Variants in CFAP263 observed in about 807,000 individuals in gnomAD.
CFAP263 encodes the protein cilia and flagella associated protein 263.
chr16:58,264,912 G>A, the CFAP263 span, among the ~76,000 whole-genome samples: 1 of 152,204 alleles, frequency 6.6e-6, no homozygotes, highest in Non-Finnish European at 1.5e-5. Context: ...TAGGCACTGG[G>A]CTGAGTGCTA....
chr16:58,256,882 A>G, the CFAP263 span, among the ~76,000 whole-genome samples: 1 of 152,116 alleles, frequency 6.6e-6, no homozygotes. Context: ...TCTATGTTGT[A>G]GAATGTTGAA....
the CFAP263 span, chr16:58,280,133 A>T: frequency 7.5e-7 from 1 of 1,334,458 alleles, no homozygotes; most frequent in Non-Finnish European, 1.0e-6. Context: ...CCAGTGTGCA[A>T]CTATCAAAAA....
the CFAP263 span, among the ~76,000 whole-genome samples, chr16:58,258,012 G>T: frequency 6.6e-6 from 1 of 151,740 alleles, no homozygotes; most frequent in African/African-American, 2.4e-5. Context: ...GGAGGCTGAG[G>T]CAGGAGAATT....
the CFAP263 span, chr16:58,279,846 G>A: frequency 5.9e-5 from 73 of 1,240,622 alleles, no homozygotes; most frequent in South Asian, 5.7e-4. Context: ...TTCTAGTCAC[G>A]GGCTCCTCTC....
chr16:58,258,107 CAAAAAA>C, the CFAP263 span, among the ~76,000 whole-genome samples: 5 of 82,340 alleles, frequency 6.1e-5, no homozygotes, highest in Admixed American at 1.1e-4. Context: ...GACTCTGTCT[CAAAAAA>C]AAAAAAAAAA....
the CFAP263 span, among the ~76,000 whole-genome samples, chr16:58,251,532 C>A: frequency 2.0e-5 from 3 of 152,158 alleles, no homozygotes; most frequent in African/African-American, 7.2e-5. Context: ...GCTGGGATTA[C>A]AGGCACCTGC....
the CFAP263 span, among the ~76,000 whole-genome samples, chr16:58,261,334 G>A: frequency 2.9e-4 from 44 of 152,334 alleles, no homozygotes; most frequent in African/African-American, 1.1e-3. Context: ...CAGTGGAACT[G>A]TCTGCAGATC....
the CFAP263 span, chr16:58,258,551 G>A: frequency 1.9e-6 from 3 of 1,600,508 alleles, no homozygotes; most frequent in Admixed American, 3.5e-5. Flanking sequence ...GCTTAGAAAG[G>A]GAAAAAACAT....
At chr16:58,259,666 C>G in the CFAP263 span, among the ~76,000 whole-genome samples, 1 of 152,122 alleles carries the variant, frequency 6.6e-6, no homozygotes, top group Admixed American at 6.5e-5. Flanking sequence ...AAACCAGTGT[C>G]CTCTGCTTCT....
At chr16:58,280,664 C>T in the CFAP263 span, 1 of 1,614,092 alleles carries the variant, frequency 6.2e-7, no homozygotes. Context: ...AGAAACAGGC[C>T]AGGGCACGTC....
the CFAP263 span, among the ~76,000 whole-genome samples, chr16:58,265,223 G>A: frequency 6.6e-6 from 1 of 152,224 alleles, no homozygotes; most frequent in African/African-American, 2.4e-5. Context: ...GATGGATTCA[G>A]TTAAGTTCTG....
the CFAP263 span, among the ~76,000 whole-genome samples, chr16:58,259,154 G>C: frequency 3.3e-5 from 5 of 152,112 alleles, no homozygotes; most frequent in African/African-American, 9.7e-5. Flanking sequence ...AAAGGTATGA[G>C]ACTGGTCTGG....
chr16:58,259,907 GA>G, the CFAP263 span: 5 of 1,604,036 alleles, frequency 3.1e-6, no homozygotes, highest in East Asian at 2.2e-5. Flanking sequence ...AAGTTCAGAG[GA>G]AAAAAATGCT....
At chr16:58,258,241 T>A in the CFAP263 span, 1 of 737,652 alleles carries the variant, frequency 1.4e-6, no homozygotes, top group Non-Finnish European at 2.3e-6. Flanking sequence ...TAAGGATATG[T>A]TCCTAAGACT....
the CFAP263 span, among the ~76,000 whole-genome samples, chr16:58,276,368 A>G: frequency 6.6e-6 from 1 of 152,198 alleles, no homozygotes; most frequent in Non-Finnish European, 1.5e-5. Context: ...TATAAAGGGA[A>G]ATTTAGCACT....
chr16:58,274,161 G>A, the CFAP263 span, among the ~76,000 whole-genome samples: 1 of 152,212 alleles, frequency 6.6e-6, no homozygotes, highest in Non-Finnish European at 1.5e-5. Context: ...ACCCTTTGCA[G>A]GGGCAAGGTG....
the CFAP263 span, among the ~76,000 whole-genome samples, chr16:58,262,090 A>G: frequency 7.1e-6 from 1 of 140,434 alleles, no homozygotes; most frequent in South Asian, 2.4e-4. Flanking sequence ...CTCTGCCCCC[A>G]CTCCCCCACA....
the CFAP263 span, chr16:58,258,338 G>T: frequency 1.2e-6 from 2 of 1,606,896 alleles, no homozygotes; most frequent in East Asian, 4.5e-5. Flanking sequence ...TGCTGGAAAC[G>T]TTCTTCTCTC....
the CFAP263 span, among the ~76,000 whole-genome samples, chr16:58,261,022 T>C: frequency 6.6e-6 from 1 of 152,144 alleles, no homozygotes; most frequent in Non-Finnish European, 1.5e-5. Flanking sequence ...GGGTAGCCTT[T>C]CTCTACTCTG....
Sources: allele counts gnomAD v4.1 joint callset (sites outside exome capture counted in the v4.1 genomes callset), GRCh38; gene constraint gnomAD v4.1.1; transcripts MANE v1.5; gene names NCBI Gene and HGNC (gene_info 2026-07-23, HGNC 2026-07-21).